The following FRMD6 variants were observed in gnomAD, a reference collection of about 807,000 sequenced individuals.
FRMD6 encodes the protein FERM domain containing 6, also known as FERM domain-containing protein 6.
A neutral mutation model predicts 73.2 loss-of-function variants in FRMD6; 37 were observed. The observed-to-expected ratio is 0.51, with a 90% CI of 0.39 to 0.66. The LOEUF (loss-of-function observed/expected upper bound fraction) is 0.66, where lower values mean the gene tolerates loss of function less well. FRMD6 is among the 30% of genes least tolerant of loss of function. FRMD6 has a pLI of 0.00. For synonymous variants in FRMD6, 273 were observed against 282.2 expected (o/e 0.97, Z 0.33); for missense variants, 714 against 780.5 (o/e 0.91, Z 1.02).
intron 1 of FRMD6, among the ~76,000 whole-genome samples, chr14:51,533,801 T>G (rs1392096882): frequency 6.6e-6 from 1 of 152,208 alleles, no homozygotes; most frequent in Non-Finnish European, 1.5e-5. Flanking sequence ...TGTTCCACTT[T>G]CAGAGAGCGT....
intron 2 of FRMD6, chr14:51,692,672 G>A (rs1456392232): frequency 6.6e-6 from 1 of 152,192 alleles, no homozygotes; most frequent in Admixed American, 6.5e-5. Flanking sequence ...TAGTTCATTT[G>A]TTCCTATGGA....
intron 1 of FRMD6, among the ~76,000 whole-genome samples, chr14:51,676,716 G>A (rs549720677): frequency 6.6e-6 from 1 of 152,196 alleles, no homozygotes; most frequent in African/African-American, 2.4e-5. Flanking sequence ...AACAATAATA[G>A]TGATGAAAGA....
At chr14:51,630,225 A>G (rs918302490) in intron 2 of FRMD6, among the ~76,000 whole-genome samples, 2 of 152,092 alleles carry the variant, frequency 1.3e-5, no homozygotes, top group Admixed American at 6.6e-5. Flanking sequence ...TTGACTGCCC[A>G]TATACTAGAT....
upstream of FRMD6, among the ~76,000 whole-genome samples, chr14:51,486,473 C>T (rs1057284755): frequency 2.6e-5 from 4 of 152,146 alleles, no homozygotes; most frequent in Non-Finnish European, 5.9e-5. Context: ...GCATTCAATG[C>T]ATTGATGGTT....
intron 1 of FRMD6, chr14:51,547,779 A>G (rs1407591223): frequency 3.3e-5 from 5 of 152,136 alleles, no homozygotes; most frequent in Non-Finnish European, 7.4e-5. Context: ...AAATATAAGA[A>G]GAGCATTTAT....
intron 2 of FRMD6, among the ~76,000 whole-genome samples, chr14:51,623,481 C>T (rs578251788): frequency 6.6e-6 from 1 of 152,294 alleles, no homozygotes; most frequent in South Asian, 2.1e-4. Flanking sequence ...AGCTGTCTTC[C>T]AGGTCTGTTA....
intron 2 of FRMD6, among the ~76,000 whole-genome samples, chr14:51,611,751 A>G (rs1441135488): frequency 6.6e-6 from 1 of 152,192 alleles, no homozygotes; most frequent in Non-Finnish European, 1.5e-5. Context: ...TGAACTGTTA[A>G]TGCTGTCATA....
chr14:51,483,071 G>A, the FRMD6 span, among the ~76,000 whole-genome samples: 1 of 152,122 alleles, frequency 6.6e-6, no homozygotes, highest in Admixed American at 6.5e-5. Flanking sequence ...TTGAAAGCTA[G>A]ATATATTTTT....
chr14:51,624,826 C>G (rs1342681048), intron 2 of FRMD6, among the ~76,000 whole-genome samples: 1 of 152,118 alleles, frequency 6.6e-6, no homozygotes, highest in African/African-American at 2.4e-5. Flanking sequence ...AAGTCCAAAT[C>G]AGAGCTGAGA....
rs556022727 is a variant in FRMD6, at chr14:51,510,422, C to A, written c.-210+21002C>A. Among the ~76,000 whole-genome samples the A allele has an allele frequency of 2.6e-5, 4 of 152,202 alleles. 1 individual carries two copies. The South Asian group carries it at 8.3e-4, about 32-fold the overall frequency. ...CTTTCTTTTTAACTTTCAATATTTC[C>A]GTGATTTTTTTTTTCTTCAGGAACT... On this transcript the variant is annotated intron_variant, in intron 1 of 14. Coordinates refer to the FRMD6 transcript ENST00000356218.
chr14:51,707,181 A>G (rs192231829), intron 6 of FRMD6, among the ~76,000 whole-genome samples: 152 of 152,284 alleles, frequency 1.0e-3, no homozygotes, highest in African/African-American at 3.5e-3. Context: ...GGAAAGAAAA[A>G]TCTGTGTAAC....
intron 2 of FRMD6, among the ~76,000 whole-genome samples, chr14:51,598,472 G>A (rs913789210): frequency 1.3e-5 from 2 of 152,174 alleles, no homozygotes; most frequent in African/African-American, 4.8e-5. Flanking sequence ...GGCATATTGT[G>A]TGATGCTAAG....
rs548649865 is a variant in FRMD6, at chr14:51,699,151, A to C, written c.190+919A>C. Among the ~76,000 whole-genome samples the C allele has an allele frequency of 5.7e-4, 86 of 152,210 alleles. 1 individual carries two copies. Among genetic ancestry groups the C allele is most frequent in the Admixed American group, 2.4e-3 (36 of 15,246 alleles). On this transcript the variant is annotated intron_variant, in intron 3 of 13. Transcript: ENST00000344768. ...CTGATAAACAAGGCCCCTTTCCCCC[A>C]AAATGTAGACTGTTTTCAGTTGCCT...
chr14:51,696,664 C>T (rs1022264459), intron 2 of FRMD6, among the ~76,000 whole-genome samples: 9 of 151,100 alleles, frequency 6.0e-5, no homozygotes, highest in Admixed American at 4.6e-4. Flanking sequence ...GTAATCCCAG[C>T]GCTTTGGGAG....
chr14:51,495,309 T>A (rs989949585), intron 1 of FRMD6, among the ~76,000 whole-genome samples: 1 of 152,246 alleles, frequency 6.6e-6, no homozygotes, highest in African/African-American at 2.4e-5. Context: ...CACTTATATA[T>A]TCTCTAAGAA....
intron 2 of FRMD6, among the ~76,000 whole-genome samples, chr14:51,592,067 C>T (rs961487684): frequency 1.3e-5 from 2 of 152,084 alleles, no homozygotes; most frequent in African/African-American, 4.8e-5. Flanking sequence ...TACAAATACA[C>T]CAAAAAGTTA....
chr14:51,545,575 G>T (rs979363331), intron 1 of FRMD6, among the ~76,000 whole-genome samples: 2 of 152,026 alleles, frequency 1.3e-5, no homozygotes, highest in African/African-American at 4.8e-5. Flanking sequence ...CTGTCAATCT[G>T]GCTTCCCTCT....
At chr14:51,436,903 TGAAGAA>T in the FRMD6 span, 244 of 905,910 alleles carry the variant, frequency 2.7e-4, 7 homozygotes, top group East Asian at 7.0e-3. Context: ...AGGATGAAGG[TGAAGAA>T]GAAGAAGATG....
At chr14:51,681,644 C>G (rs915605651) in intron 1 of FRMD6, among the ~76,000 whole-genome samples, 65 of 152,308 alleles carry the variant, frequency 4.3e-4, no homozygotes, top group African/African-American at 1.6e-3. Context: ...TCTTTCAAAA[C>G]TTAGCCTTTC....
Sources: gnomAD v4.1 joint callset for allele counts (sites outside exome capture counted in the v4.1 genomes callset) on GRCh38, gnomAD v4.1.1 for gene constraint, MANE v1.5 for transcripts, NCBI Gene and HGNC (gene_info 2026-07-23, HGNC 2026-07-21) for gene names.